PATJ: variants seen among roughly 807,000 people sequenced by gnomAD.
PATJ encodes the protein PATJ crumbs cell polarity complex component.
Under a neutral mutation model 224.9 loss-of-function variants are expected in PATJ, and 190 were observed. The ratio of observed to expected loss-of-function variants is 0.84; its 90% CI spans 0.75 to 0.95. The LOEUF (loss-of-function observed/expected upper bound fraction) is 0.95, where lower values mean the gene tolerates loss of function less well. Ranked by LOEUF, PATJ falls within the 40% of genes least tolerant of loss-of-function variation. PATJ has a pLI of 0.00. For missense variants in PATJ, 2,121 were observed against 2,270.3 expected, an observed-to-expected ratio of 0.93 and a Z score of 1.34; for synonymous variants, 769 against 820.3, an observed-to-expected ratio of 0.94 and a Z score of 1.07.
intron 24 of PATJ, among the ~76,000 whole-genome samples, chr1:61,904,065 C>T (rs886690381): frequency 2.6e-5 from 4 of 152,086 alleles, no homozygotes; most frequent in Admixed American, 1.3e-4. Context: ...TGAGCCATTG[C>T]GCCCGGACAG....
At chr1:61,827,638 C>A in intron 16 of PATJ, 55 bp downstream of exon 16, 1 of 1,524,446 alleles carries the variant, frequency 6.6e-7, no homozygotes, top group Non-Finnish European at 8.9e-7. Flanking sequence ...TCAAAGATGC[C>A]CCGAAGACTG....
Position 61,908,631 on chromosome 1 carries a change from G to T in PATJ, c.3492+149G>T, listed in dbSNP as rs1487898990. ...AGCTTCATAAAAATTTAGTCATAAG[G>T]TTCCCTTTTTTCCCCTCCAGTTTTG... is the stretch of plus-strand genomic sequence containing the variant. On this transcript the variant is annotated intron_variant, in intron 25 of 43. Transcript: ENST00000642238. 38 of 599,866 alleles carry T rather than the reference G, an allele frequency of 6.3e-5. No homozygotes were observed. In the East Asian group the frequency reaches 1.1e-3, roughly 17 times the overall value. 37.2% of individuals were successfully genotyped at this position (599,866 alleles called of 1,614,324 possible).
At chr1:61,948,703 C>T (rs1260478841) in intron 27 of PATJ, among the ~76,000 whole-genome samples, 1 of 152,178 alleles carries the variant, frequency 6.6e-6, no homozygotes, top group East Asian at 1.9e-4. Context: ...ACCCAGCCAT[C>T]CCATTACTGG....
chr1:62,025,731 G>A (rs1010963820), intron 29 of PATJ, among the ~76,000 whole-genome samples: 2 of 152,220 alleles, frequency 1.3e-5, no homozygotes, highest in African/African-American at 4.8e-5. Flanking sequence ...ACGGAGGCAA[G>A]AGAATCACTT....
At chr1:62,100,348 G>C (rs1270957492) in intron 33 of PATJ, 2 of 718,160 alleles carry the variant, frequency 2.8e-6, no homozygotes, top group Non-Finnish European at 5.2e-6. Context: ...CAAGAGCATG[G>C]AGCCAGCATC....
rs1652542235 is a variant in PATJ at position 61,801,729 on chromosome 1, T to A, written c.1509T>A (p.Asp503Glu). Reference sequence around the variant, plus strand: ...ATGAGGAAATTAAAGAAAGAATTGATACTTTAAAAAATGACAACATACAAG... The same window carrying A: ...ATGAGGAAATTAAAGAAAGAATTGAAACTTTAAAAAATGACAACATACAAG... The part of the protein sequence containing the change: ...GEDEEIKERI[D>E]TLKNDNIQAL... Residue 503 changes from aspartate to glutamate, a missense_variant, in exon 12 of 44, where the codon GAT (aspartate) becomes GAA (glutamate). By Grantham distance (45) the Asp-to-Glu change is conservative. Transcript: ENST00000642238. 6.2e-7 allele frequency: 1 copy of A among 1,600,486 alleles called. No homozygotes were observed. The highest frequency in any genetic ancestry group is 1.1e-5 in the South Asian group (1 of 88,856).
chr1:62,108,587 G>T, intron 34 of PATJ, 67 bp downstream of exon 34: 1 of 911,444 alleles, frequency 1.1e-6, no homozygotes. Context: ...GATCCATAAA[G>T]TTGTCTTTCT....
At chr1:62,069,181 C>T (rs1363705630) in intron 31 of PATJ, among the ~76,000 whole-genome samples, 1 of 152,102 alleles carries the variant, frequency 6.6e-6, no homozygotes, top group African/African-American at 2.4e-5. Context: ...AAGAATCTTG[C>T]GTGTGTTGCT....
chr1:61,912,350 T>G (rs531130265), intron 25 of PATJ, among the ~76,000 whole-genome samples: 1 of 152,148 alleles, frequency 6.6e-6, no homozygotes, highest in African/African-American at 2.4e-5. Flanking sequence ...TCCCAGCACT[T>G]TCGGAGGCTG....
At chr1:62,119,971 T>C (rs1038231813) in intron 37 of PATJ, among the ~76,000 whole-genome samples, 1 of 152,130 alleles carries the variant, frequency 6.6e-6, no homozygotes, top group Non-Finnish European at 1.5e-5. Context: ...ATAAAGGTCT[T>C]GGCAAACACA....
intron 18 of PATJ, 134 bp from the exon 19 acceptor site, chr1:61,861,417 A>T: frequency 2.1e-6 from 1 of 474,130 alleles, no homozygotes; most frequent in Non-Finnish European, 3.8e-6. Context: ...TTGGTGATTT[A>T]CTGCACTTAT....
chr1:61,997,324 AC>A (rs1450531951), intron 28 of PATJ, among the ~76,000 whole-genome samples: 1 of 152,196 alleles, frequency 6.6e-6, no homozygotes, highest in East Asian at 1.9e-4. Flanking sequence ...AACCCGGTTC[AC>A]AACTCTAAAA....
intron 22 of PATJ, among the ~76,000 whole-genome samples, 186 bp from the exon 23 acceptor site, chr1:61,899,397 T>G (rs1442595661): frequency 2.0e-5 from 3 of 152,214 alleles, no homozygotes; most frequent in African/African-American, 7.2e-5. Context: ...GGTGGGGATT[T>G]GTTGAGTTGA....
intron 27 of PATJ, 57 bp downstream of exon 27, chr1:61,927,886 C>G: frequency 8.3e-7 from 1 of 1,207,192 alleles, no homozygotes; most frequent in Non-Finnish European, 1.2e-6. Context: ...TATGTTTTAA[C>G]GACTGTTGTA....
chr1:62,154,085 G>A (rs193068248), intron 43 of PATJ, among the ~76,000 whole-genome samples: 10 of 152,082 alleles, frequency 6.6e-5, no homozygotes, highest in East Asian at 1.9e-4. Context: ...TGGTAGAGAC[G>A]GGGTTTCGCC....
At chr1:62,053,072 G>A (rs1157549716) in intron 31 of PATJ, among the ~76,000 whole-genome samples, 1 of 152,194 alleles carries the variant, frequency 6.6e-6, no homozygotes, top group Admixed American at 6.5e-5. Context: ...CAGGCCAAAG[G>A]TAAAAGCCAT....
At chr1:61,842,355 C>T (rs887652884) in intron 17 of PATJ, among the ~76,000 whole-genome samples, 4 of 152,120 alleles carry the variant, frequency 2.6e-5, no homozygotes, top group African/African-American at 4.8e-5. Context: ...CTCTGGAATA[C>T]GAATGTGGCA....
intron 43 of PATJ, among the ~76,000 whole-genome samples, chr1:62,156,507 G>A (rs572848841): frequency 6.6e-6 from 1 of 151,814 alleles, no homozygotes; most frequent in South Asian, 2.1e-4. Flanking sequence ...TCCAGCCTGG[G>A]CAACAGAGTG....
intron 27 of PATJ, among the ~76,000 whole-genome samples, chr1:61,969,415 A>G (rs1682626350): frequency 6.6e-6 from 1 of 152,084 alleles, no homozygotes; most frequent in African/African-American, 2.4e-5. Context: ...GGTAGTAGCT[A>G]CACTAGTGGG....
Sources: gnomAD v4.1 joint callset for allele counts (sites outside exome capture counted in the v4.1 genomes callset) on GRCh38, gnomAD v4.1.1 for gene constraint, MANE v1.5 for transcripts, NCBI Gene and HGNC (gene_info 2026-07-23, HGNC 2026-07-21) for gene names.